Variants in ERBB4 observed in about 807,000 individuals in gnomAD.
ERBB4 encodes erb-b2 receptor tyrosine kinase 4.
ERBB4 carries 42 observed loss-of-function variants against 158.0 expected under a neutral mutation model. The observed-to-expected ratio is 0.27, with a 90% CI of 0.21 to 0.34. ERBB4 has a LOEUF of 0.34. Ranked by LOEUF, ERBB4 falls within the 10% of genes least tolerant of loss-of-function variation. The pLI is 1.00. For synonymous variants in ERBB4, 583 were observed against 558.7 expected, an observed-to-expected ratio of 1.04 and a Z score of -0.61; for missense variants, 1,333 against 1,624.1, an observed-to-expected ratio of 0.82 and a Z score of 3.08.
intron 20 of ERBB4, among the ~76,000 whole-genome samples, chr2:211,460,976 A>C (rs2064515010): frequency 6.6e-6 from 1 of 151,932 alleles, no homozygotes; most frequent in East Asian, 1.9e-4. Context: ...TATTTCTTTC[A>C]TTTTAGGAAC....
chr2:211,741,270 A>G (rs2074785564), intron 5 of ERBB4, among the ~76,000 whole-genome samples: 1 of 152,208 alleles, frequency 6.6e-6, no homozygotes, highest in Non-Finnish European at 1.5e-5. Context: ...AAATTATTTT[A>G]CTGGTAGAAC....
At chr2:212,491,049 A>G (rs1371408432) in intron 1 of ERBB4, among the ~76,000 whole-genome samples, 1 of 151,602 alleles carries the variant, frequency 6.6e-6, no homozygotes, top group East Asian at 1.9e-4. Context: ...TTTTAAAAGT[A>G]AGATAATCAA....
intron 2 of ERBB4, among the ~76,000 whole-genome samples, chr2:212,077,122 T>G (rs1368117482): frequency 6.6e-6 from 1 of 151,916 alleles, no homozygotes; most frequent in Non-Finnish European, 1.5e-5. Context: ...TATGTAAAAC[T>G]AAAATTATAT....
Position 212,474,145 on chromosome 2 carries a change from G to A in ERBB4, c.82+64304C>T, listed in dbSNP as rs887188809. 4.0e-5 allele frequency among the ~76,000 whole-genome samples: 6 copies of A among 151,818 alleles called. No homozygotes were observed. The South Asian group carries it at 8.3e-4, about 21-fold the overall frequency. On this transcript the variant is annotated intron_variant, in intron 1 of 27. Transcript: ENST00000342788. ...CCCAAATAAAGAAAATAGTAAATTT[G>A]AGATGATACAGAAGCCAATTAATGG... is the stretch of plus-strand genomic sequence containing the variant.
At chr2:211,427,106 T>C (rs544799083) in intron 22 of ERBB4, among the ~76,000 whole-genome samples, 1 of 152,240 alleles carries the variant, frequency 6.6e-6, no homozygotes, top group East Asian at 1.9e-4. Context: ...GGAATACATA[T>C]GTGGAAGGAA....
chr2:211,792,837 T>G lies in ERBB4; in HGVS notation c.422-4678A>C, dbSNP rs57291861. On this transcript the variant is annotated intron_variant, in intron 3 of 27. Coordinates refer to ENST00000342788, the MANE Select transcript of ERBB4 (RefSeq NM_005235.3). Reference sequence around the variant, plus strand: ...TTCATGAGTCTAATAAATAAGGAAATGTTTGTGTTATTTAAATAACTTCTT... The same window carrying G: ...TTCATGAGTCTAATAAATAAGGAAAGGTTTGTGTTATTTAAATAACTTCTT... Among the ~76,000 whole-genome samples the G allele has an allele frequency of 5.9e-3, 897 of 151,994 alleles. 9 individuals carry two copies. The highest frequency in any genetic ancestry group is 0.02 in the African/African-American group (851 of 41,532).
chr2:212,044,652 C>T (rs1017503063), intron 2 of ERBB4, among the ~76,000 whole-genome samples: 39 of 152,098 alleles, frequency 2.6e-4, no homozygotes, highest in African/African-American at 8.7e-4. Context: ...AATCATAAAA[C>T]TTTTGATGTT....
At chr2:211,539,425 G>T (rs1248378664) in intron 20 of ERBB4, among the ~76,000 whole-genome samples, 1 of 151,902 alleles carries the variant, frequency 6.6e-6, no homozygotes, top group Non-Finnish European at 1.5e-5. Flanking sequence ...CAATAGATTT[G>T]ATTTGTTTTA....
intron 5 of ERBB4, among the ~76,000 whole-genome samples, chr2:211,735,384 T>A (rs925587774): frequency 5.3e-5 from 8 of 152,214 alleles, no homozygotes; most frequent in African/African-American, 1.9e-4. Context: ...GACTCCTATA[T>A]ATCTTCATTT....
chr2:211,862,748 TTCTA>T (rs2078094352), intron 3 of ERBB4, among the ~76,000 whole-genome samples: 1 of 152,236 alleles, frequency 6.6e-6, no homozygotes, highest in Non-Finnish European at 1.5e-5. Context: ...TTTAATATGG[TTCTA>T]TCTAAAAATA....
intron 17 of ERBB4, among the ~76,000 whole-genome samples, chr2:211,626,406 T>C (rs569866508): frequency 6.6e-6 from 1 of 152,292 alleles, no homozygotes; most frequent in Non-Finnish European, 1.5e-5. Flanking sequence ...GCAAACAATA[T>C]ATCAAGATTC....
intron 3 of ERBB4, among the ~76,000 whole-genome samples, chr2:211,882,110 T>C (rs1013515229): frequency 6.6e-6 from 1 of 152,188 alleles, no homozygotes; most frequent in African/African-American, 2.4e-5. Flanking sequence ...AGGACAATTT[T>C]CTGAAAGTTA....
rs138963774 is a variant in ERBB4, at chr2:211,514,917, G to C, written c.2487+46986C>G. ...TTTTGGATTTTGATTTTCCAGATTAGAGATGCTCAACCTGTACTAAAATTA... is the reference window on the plus strand; with the variant it reads ...TTTTGGATTTTGATTTTCCAGATTACAGATGCTCAACCTGTACTAAAATTA... On this transcript the variant is annotated intron_variant, in intron 20 of 27. Transcript: ENST00000342788. 3.8e-3 allele frequency among the ~76,000 whole-genome samples: 574 copies of C among 152,222 alleles called. 2 individuals are homozygous for C. Among genetic ancestry groups the C allele is most frequent in the African/African-American group, 0.013 (549 of 41,572 alleles).
intron 20 of ERBB4, among the ~76,000 whole-genome samples, chr2:211,496,476 T>C (rs1308510177): frequency 6.6e-6 from 1 of 151,884 alleles, no homozygotes; most frequent in Non-Finnish European, 1.5e-5. Context: ...TAACCATTGA[T>C]CGGTACCATA....
At chr2:212,324,469 C>T (rs951748938) in intron 1 of ERBB4, among the ~76,000 whole-genome samples, 1 of 104,852 alleles carries the variant, frequency 9.5e-6, no homozygotes, top group African/African-American at 4.9e-5. Flanking sequence ...TTAGGAGCAG[C>T]GGGTTTTTTG....
chr2:211,510,443 G>T (rs2065858647), intron 20 of ERBB4, among the ~76,000 whole-genome samples: 1 of 152,016 alleles, frequency 6.6e-6, no homozygotes, highest in Non-Finnish European at 1.5e-5. Context: ...TCACAAACCT[G>T]CATGTGTGTC....
intron 1 of ERBB4, among the ~76,000 whole-genome samples, chr2:212,421,256 T>C (rs2091785413): frequency 6.6e-6 from 1 of 152,112 alleles, no homozygotes; most frequent in South Asian, 2.1e-4. Context: ...TTCTACACTT[T>C]TCTAGAGATT....
chr2:212,535,093 A>G lies in ERBB4; in HGVS notation c.82+3356T>C, dbSNP rs1275399347. Among the ~76,000 whole-genome samples, 8 of 152,150 alleles carry G rather than the reference A, an allele frequency of 5.3e-5. No homozygotes were observed. In the South Asian group the frequency reaches 1.4e-3, roughly 28 times the overall value. ...AAAAGCAGTTGAGTTTAAGAGCAAA[A>G]AAAAGGAATACTGATATAACTGGAG... On this transcript the variant is annotated intron_variant, in intron 1 of 27. Coordinates refer to ENST00000342788, the MANE Select transcript of ERBB4 (RefSeq NM_005235.3).
At chr2:212,173,330 C>A (rs2081574056) in intron 1 of ERBB4, among the ~76,000 whole-genome samples, 1 of 152,070 alleles carries the variant, frequency 6.6e-6, no homozygotes, top group Non-Finnish European at 1.5e-5. Context: ...GAAAAGGCAA[C>A]ATACAACAGA....
Sources: allele counts gnomAD v4.1 joint callset (sites outside exome capture counted in the v4.1 genomes callset), GRCh38; gene constraint gnomAD v4.1.1; transcripts MANE v1.5; gene names NCBI Gene and HGNC (gene_info 2026-07-23, HGNC 2026-07-21).